The following REV3L variants were observed in gnomAD, a reference collection of about 807,000 sequenced individuals.
REV3L encodes REV3 like, DNA directed polymerase zeta catalytic subunit.
REV3L carries 69 observed loss-of-function variants against 299.4 expected under a neutral mutation model. The observed-to-expected ratio is 0.23, with a 90% CI of 0.19 to 0.28. The LOEUF (loss-of-function observed/expected upper bound fraction) is 0.28. REV3L is among the 10% of genes least tolerant of loss of function. REV3L has a pLI of 1.00. For missense variants in REV3L, 3,128 were observed against 3,693.8 expected (o/e 0.85, Z 3.97); for synonymous variants, 1,238 against 1,271.4 (o/e 0.97, Z 0.56).
At chr6:111,477,300 T>C (rs1793056874) in intron 1 of REV3L, among the ~76,000 whole-genome samples, 1 of 152,232 alleles carries the variant, frequency 6.6e-6, no homozygotes, top group African/African-American at 2.4e-5. Flanking sequence ...GCATTAACTC[T>C]ATAATGGTGA....
At chr6:111,329,358 T>C (rs905132071) in intron 25 of REV3L, among the ~76,000 whole-genome samples, 174 bp downstream of exon 25, 2 of 151,066 alleles carry the variant, frequency 1.3e-5, no homozygotes, top group African/African-American at 4.9e-5. Context: ...TTTTTTTTTT[T>C]CTTTTAAAAA....
intron 1 of REV3L, among the ~76,000 whole-genome samples, chr6:111,444,813 C>T (rs1788652985): frequency 6.6e-6 from 1 of 152,296 alleles, no homozygotes; most frequent in Non-Finnish European, 1.5e-5. Flanking sequence ...GCTATAATGT[C>T]ATCTGCTAAT....
At position 111,349,252 on chromosome 6, in the gene REV3L, A is replaced by G; in HGVS notation, c.7385T>C (p.Ile2462Thr). The G allele has an allele frequency of 6.3e-7, 1 of 1,599,150 alleles. No homozygotes were observed. Among genetic ancestry groups the G allele is most frequent in the Non-Finnish European group, 8.6e-7 (1 of 1,167,878 alleles). ...TMSEINIVGRITLNLWRIMRN... is the reference protein window; with the variant it reads ...TMSEINIVGRTTLNLWRIMRN... ...CATGATTCTCCAAAGATTTAGTGTA[A>G]TTCGGCCAACAATATTTATCTCACT... The change falls in exon 20 of 32, where the codon ATT (isoleucine) becomes ACT (threonine). Residue 2462 changes from isoleucine to threonine, a missense_variant. Ile to Thr is a moderately conservative substitution (Grantham distance 89). Coordinates refer to ENST00000368802, the MANE Select transcript of REV3L (RefSeq NM_001372078.1).
chr6:111,310,632 G>A (rs956057715), intron 29 of REV3L: 1 of 156,294 alleles, frequency 6.4e-6, no homozygotes, highest in African/African-American at 2.4e-5. Flanking sequence ...GCGACAGAGT[G>A]AGACCCTGCC....
At chr6:111,350,752 CTTTT>C (rs35185792) in intron 19 of REV3L, among the ~76,000 whole-genome samples, 1 of 138,636 alleles carries the variant, frequency 7.2e-6, no homozygotes, top group Non-Finnish European at 1.6e-5. Context: ...AATTTTCTTT[CTTTT>C]TTTTTTTTTT....
chr6:111,447,736 G>A (rs918581918), intron 1 of REV3L, among the ~76,000 whole-genome samples: 2 of 152,132 alleles, frequency 1.3e-5, no homozygotes, highest in African/African-American at 4.8e-5. Flanking sequence ...GGCTGGACTG[G>A]ATTTGGCTCA....
chr6:111,326,580 C>A (rs1039921935), intron 25 of REV3L, among the ~76,000 whole-genome samples: 12 of 150,502 alleles, frequency 8.0e-5, no homozygotes, highest in African/African-American at 2.9e-4. Flanking sequence ...GCCATATGAT[C>A]CAGATATCCC....
rs148736590 is a variant in REV3L, at chr6:111,473,480, C to T, written c.139+9270G>A. On this transcript the variant is annotated intron_variant, in intron 1 of 31. Transcript: ENST00000368802. ...CCCTTTTTTGGAAATAGCATACATACGATTTTAGTATCAATTTTTATTTAT... is the reference window on the plus strand; with the variant it reads ...CCCTTTTTTGGAAATAGCATACATATGATTTTAGTATCAATTTTTATTTAT... Among the ~76,000 whole-genome samples the T allele has an allele frequency of 3.0e-4, 45 of 152,120 alleles. No homozygotes were observed. The East Asian group carries it at 7.3e-3, about 25-fold the overall frequency.
chr6:111,438,927 C>CAAA (rs34014721), intron 1 of REV3L, among the ~76,000 whole-genome samples: 2 of 151,688 alleles, frequency 1.3e-5, no homozygotes, highest in South Asian at 4.2e-4. Context: ...TATTAAAAGA[C>CAAA]AAAAAAAACA....
chr6:111,390,307 A>G (rs975973793), intron 5 of REV3L, 127 bp from the exon 6 acceptor site: 3 of 620,262 alleles, frequency 4.8e-6, no homozygotes, highest in African/African-American at 3.7e-5. Flanking sequence ...ATTCACAATT[A>G]TTCTGACAAA....
At chr6:111,355,889 C>CT (rs531571139) in intron 18 of REV3L, among the ~76,000 whole-genome samples, 184 of 152,308 alleles carry the variant, frequency 1.2e-3, no homozygotes, top group African/African-American at 4.0e-3. Context: ...AGATGGGAAT[C>CT]TATCTAGTCA....
At chr6:111,420,672 A>T (rs1785237753) in intron 1 of REV3L, among the ~76,000 whole-genome samples, 1 of 152,190 alleles carries the variant, frequency 6.6e-6, no homozygotes, top group African/African-American at 2.4e-5. Context: ...CCTAATTCAG[A>T]AGCTGCAAAA....
At chr6:111,461,955 G>C (rs1790821713) in intron 1 of REV3L, among the ~76,000 whole-genome samples, 1 of 151,886 alleles carries the variant, frequency 6.6e-6, no homozygotes, top group Non-Finnish European at 1.5e-5. Context: ...CTAAATAAAA[G>C]AGACATGTCA....
chr6:111,420,143 C>T (rs540840063), intron 1 of REV3L, among the ~76,000 whole-genome samples: 18 of 152,290 alleles, frequency 1.2e-4, no homozygotes, highest in African/African-American at 4.1e-4. Context: ...CCGCGCCCGG[C>T]CATTTTGGAT....
chr6:111,392,099 A>G (rs6568677), intron 5 of REV3L, among the ~76,000 whole-genome samples: 90,826 of 152,176 alleles, frequency 0.6, 31,634 homozygotes, highest in Non-Finnish European at 0.79. Context: ...AAAAAGTTTT[A>G]TAATTTGAAA....
intron 1 of REV3L, among the ~76,000 whole-genome samples, chr6:111,428,200 AACAG>A (rs1307701190): frequency 3.5e-4 from 53 of 152,136 alleles, no homozygotes; most frequent in Non-Finnish European, 6.0e-4. Flanking sequence ...CATGACCTCA[AACAG>A]ACAAAGCAAG....
chr6:111,366,009 G>A (rs1005956257), intron 14 of REV3L, among the ~76,000 whole-genome samples: 1 of 152,178 alleles, frequency 6.6e-6, no homozygotes, highest in Admixed American at 6.5e-5. Flanking sequence ...AGATAAACAA[G>A]TGATAAGGCT....
At chr6:111,415,299 C>T (rs1005150946) in intron 2 of REV3L, among the ~76,000 whole-genome samples, 1 of 152,056 alleles carries the variant, frequency 6.6e-6, no homozygotes, top group African/African-American at 2.4e-5. Flanking sequence ...CAGAAGAAGC[C>T]GGCATAGCCA....
At chr6:111,405,402 G>T in intron 4 of REV3L, 68 bp downstream of exon 4, 2 of 940,352 alleles carry the variant, frequency 2.1e-6, no homozygotes, top group South Asian at 5.1e-5. Flanking sequence ...ATAAATCACT[G>T]ACTATATAAC....
Sources: allele counts gnomAD v4.1 joint callset (sites outside exome capture counted in the v4.1 genomes callset), GRCh38; gene constraint gnomAD v4.1.1; transcripts MANE v1.5; gene names NCBI Gene and HGNC (gene_info 2026-07-23, HGNC 2026-07-21).